FNDC3B: variants seen among roughly 807,000 people sequenced by gnomAD.
The protein encoded by FNDC3B is fibronectin type III domain containing 3B, also known as fibronectin type III domain-containing protein 3B.
FNDC3B carries 12 observed loss-of-function variants against 151.5 expected under a neutral mutation model. The ratio of observed to expected loss-of-function variants is 0.08; its 90% CI spans 0.05 to 0.13. FNDC3B has a LOEUF of 0.13. Among genes scored for constraint, FNDC3B ranks in the 10% least tolerant of loss-of-function variants. FNDC3B has a pLI of 1.00. For missense variants in FNDC3B, 1,214 were observed against 1,505.3 expected (o/e 0.81, Z 3.20); for synonymous variants, 528 against 549.0 (o/e 0.96, Z 0.54).
At chr3:172,136,385 T>C (rs1031918702) in intron 3 of FNDC3B, among the ~76,000 whole-genome samples, 6 of 152,154 alleles carry the variant, frequency 3.9e-5, no homozygotes, top group African/African-American at 1.2e-4. Flanking sequence ...GCAGGGAGTA[T>C]TGGTTTAGAA....
intron 22 of FNDC3B, among the ~76,000 whole-genome samples, chr3:172,354,909 T>A (rs577580700): frequency 1.3e-5 from 2 of 151,700 alleles, no homozygotes; most frequent in Non-Finnish European, 2.9e-5. Context: ...TTACATATTG[T>A]TCTCATACCA....
rs529754937 is a variant in FNDC3B, at chr3:172,194,219, CA to C, written c.188-32642del. Among the ~76,000 whole-genome samples, 9 of 144,966 alleles carry C rather than the reference CA, an allele frequency of 6.2e-5. No homozygotes were observed. The South Asian group carries it at 2.0e-3, about 32-fold the overall frequency. ...TGGGCAACAGAGCAAGACTCCATCT[CA>C]AAAAAAAAAGAAAAATTATCTTAGT... On this transcript the variant is annotated intron_variant, in intron 3 of 25. Transcript: ENST00000415807.
At chr3:172,280,180 G>T in intron 6 of FNDC3B, among the ~76,000 whole-genome samples, 1 of 152,192 alleles carries the variant, frequency 6.6e-6, no homozygotes, top group East Asian at 1.9e-4. Context: ...CTCCCAAAGT[G>T]CTGGGATTAC....
At chr3:172,119,416 C>T (rs954411269) in intron 2 of FNDC3B, among the ~76,000 whole-genome samples, 2 of 148,482 alleles carry the variant, frequency 1.3e-5, no homozygotes, top group African/African-American at 4.9e-5. Flanking sequence ...TTTACACATA[C>T]GTGAAATCAC....
intron 6 of FNDC3B, among the ~76,000 whole-genome samples, chr3:172,266,687 T>C (rs75653959): frequency 0.03 from 4,583 of 152,260 alleles, 242 homozygotes; most frequent in African/African-American, 0.1. Context: ...TCACTCCAGC[T>C]TCAAGACCAG....
chr3:172,301,787 G>T (rs1408347725), intron 9 of FNDC3B: 1 of 152,150 alleles, frequency 6.6e-6, no homozygotes, highest in African/African-American at 2.4e-5. Context: ...GAGCAGAGGG[G>T]TTGAGGCTGT....
intron 11 of FNDC3B, among the ~76,000 whole-genome samples, chr3:172,313,635 T>C (rs769270387): frequency 6.6e-6 from 1 of 152,238 alleles, no homozygotes; most frequent in Non-Finnish European, 1.5e-5. Flanking sequence ...AAAGCAAACG[T>C]ACGCCTATCC....
chr3:172,398,361 T>C lies in FNDC3B; in HGVS notation c.*886T>C, dbSNP rs1019261316. The C allele has an allele frequency of 6.6e-6, 1 of 152,658 alleles. No homozygotes were observed. Among genetic ancestry groups the C allele is most frequent in the Non-Finnish European group, 1.5e-5 (1 of 68,020 alleles). The allele number at this position is 152,658 out of a possible 1,614,324, so 9.5% of individuals were successfully genotyped here. ...TATATGACAAGAACTGGTGACAGTTTAGTGCCTCTGCCCATTGTCCATGAT... is the reference window on the plus strand; with the variant it reads ...TATATGACAAGAACTGGTGACAGTTCAGTGCCTCTGCCCATTGTCCATGAT... On this transcript the variant is annotated 3_prime_UTR_variant, in exon 26 of 26. Coordinates refer to ENST00000415807, the MANE Select transcript of FNDC3B (RefSeq NM_022763.4).
At chr3:172,304,896 G>GA (rs1243755769) in intron 9 of FNDC3B, among the ~76,000 whole-genome samples, 5,410 of 85,232 alleles carry the variant, frequency 0.063, 263 homozygotes, top group African/African-American at 0.16. Flanking sequence ...GACTTCATCT[G>GA]AAAAAAAAAA....
intron 25 of FNDC3B, among the ~76,000 whole-genome samples, chr3:172,384,999 A>G (rs1735633059): frequency 6.6e-6 from 1 of 152,142 alleles, no homozygotes; most frequent in African/African-American, 2.4e-5. Context: ...TCCTGCATTT[A>G]CCAAGAAATG....
intron 3 of FNDC3B, chr3:172,186,981 C>T (rs1210480940): frequency 2.3e-6 from 1 of 436,102 alleles, no homozygotes; most frequent in East Asian, 3.7e-5. Context: ...TATTAACAAT[C>T]TTGGCTTTAC....
chr3:172,281,952 T>C lies in FNDC3B; in HGVS notation c.791-3974T>C, dbSNP rs1415172643. On this transcript the variant is annotated intron_variant, in intron 6 of 25. Coordinates refer to ENST00000415807, the MANE Select transcript of FNDC3B (RefSeq NM_022763.4). ...AGAAAACATGCCACCAAACAATAGC[T>C]TCATCCAAACTCTGACATACACTCT... Among the ~76,000 whole-genome samples, 4 of 151,636 alleles carry C rather than the reference T, an allele frequency of 2.6e-5. No individual in the cohort carries two copies. In the East Asian group the frequency reaches 7.7e-4, roughly 29 times the overall value.
chr3:172,265,235 G>A (rs949728204), intron 6 of FNDC3B, among the ~76,000 whole-genome samples: 3 of 152,076 alleles, frequency 2.0e-5, no homozygotes, highest in Non-Finnish European at 4.4e-5. Context: ...ATAATTAATA[G>A]GTATCTATAC....
intron 6 of FNDC3B, among the ~76,000 whole-genome samples, chr3:172,262,025 A>G (rs1180955650): frequency 1.3e-5 from 2 of 152,178 alleles, no homozygotes; most frequent in Admixed American, 1.3e-4. Context: ...GAAAATAACG[A>G]GACTGGAAAG....
chr3:172,125,340 A>G (rs1012975372), intron 2 of FNDC3B, among the ~76,000 whole-genome samples: 1 of 152,020 alleles, frequency 6.6e-6, no homozygotes, highest in African/African-American at 2.4e-5. Context: ...TCCGGGTCAC[A>G]GCAGCGGCTC....
At chr3:172,313,219 C>T (rs1675525319) in intron 11 of FNDC3B, among the ~76,000 whole-genome samples, 2 of 152,140 alleles carry the variant, frequency 1.3e-5, no homozygotes, top group African/African-American at 2.4e-5. Context: ...TGTCCACTTT[C>T]TAGACATCTC....
intron 11 of FNDC3B, among the ~76,000 whole-genome samples, chr3:172,325,820 CATTTT>C (rs139892147): frequency 5.3e-5 from 8 of 152,078 alleles, no homozygotes; most frequent in Non-Finnish European, 1.2e-4. Context: ...TCCAGATATG[CATTTT>C]ATTTTATTTT....
At chr3:172,371,798 A>T (rs1222336059) in intron 23 of FNDC3B, among the ~76,000 whole-genome samples, 1 of 152,134 alleles carries the variant, frequency 6.6e-6, no homozygotes, top group African/African-American at 2.4e-5. Context: ...CTTCTCTCCA[A>T]CTCAAGAAAA....
At chr3:172,200,363 G>A (rs531607163) in intron 3 of FNDC3B, among the ~76,000 whole-genome samples, 18 of 152,290 alleles carry the variant, frequency 1.2e-4, no homozygotes, top group Non-Finnish European at 2.4e-4. Context: ...TGAATGAAAC[G>A]TTATTCAAAG....
Sources: gnomAD v4.1 joint callset for allele counts (sites outside exome capture counted in the v4.1 genomes callset) on GRCh38, gnomAD v4.1.1 for gene constraint, MANE v1.5 for transcripts, NCBI Gene and HGNC (gene_info 2026-07-23, HGNC 2026-07-21) for gene names.